The following UBA2 variants were observed in gnomAD, a reference collection of about 807,000 sequenced individuals.
UBA2 encodes ubiquitin like modifier activating enzyme 2.
In UBA2, 11 loss-of-function variants were observed where a neutral mutation model predicts 77.2. The observed-to-expected ratio is 0.14, with a 90% CI of 0.09 to 0.24. UBA2 has a LOEUF of 0.24. Ranked by LOEUF, UBA2 falls within the 10% of genes least tolerant of loss-of-function variation. The probability of loss-of-function intolerance (pLI) is 1.00; values close to 1 mark genes in which losing one functional copy is unlikely to be tolerated. For synonymous variants in UBA2, 278 were observed against 276.7 expected (o/e 1.00, Z -0.05); for missense variants, 487 against 781.7 (o/e 0.62, Z 4.50).
intron 7 of UBA2, among the ~76,000 whole-genome samples, chr19:34,444,648 A>C (rs1203693610): frequency 2.0e-5 from 3 of 152,168 alleles, no homozygotes; most frequent in Admixed American, 1.3e-4. Flanking sequence ...CTCTACAAAA[A>C]ATATAAAAAT....
In UBA2 at chr19:34,464,106, A is replaced by T. The variant is rs1599934342; in HGVS notation, c.1579A>T (p.Thr527Ser). Residue 527 changes from threonine to serine, a missense_variant, in exon 15 of 17, where the codon ACT becomes TCT. This residue lies in a region of UBA2 where 300 missense variants were observed against 454.3 expected (regional missense o/e 0.66). Coordinates refer to ENST00000246548, the MANE Select transcript of UBA2 (RefSeq NM_005499.3). ...LQADDFLQDY[T>S]LLINILHSED... is the part of the protein sequence containing the mutation. The stretch of plus-strand genomic sequence containing the variant: ...AGCAGATGACTTCCTCCAGGACTAT[A>T]CTTTATTGATCAACATCCTTCATAG... The T allele has an allele frequency of 6.2e-7, 1 of 1,612,540 alleles. No individual in the cohort carries two copies. Among genetic ancestry groups the T allele is most frequent in the Non-Finnish European group, 8.5e-7 (1 of 1,178,624 alleles).
At chr19:34,433,327 T>G (rs1348320556) in intron 3 of UBA2, 21 bp from the exon 4 acceptor site, 4 of 1,585,246 alleles carry the variant, frequency 2.5e-6, no homozygotes, top group Admixed American at 1.7e-5. Context: ...TTTGGTGACC[T>G]TTTTTTATTT....
chr19:34,444,169 T>C (rs2075402958), intron 7 of UBA2, among the ~76,000 whole-genome samples: 1 of 148,562 alleles, frequency 6.7e-6, no homozygotes, highest in Non-Finnish European at 1.5e-5. Context: ...ATGATTCTCC[T>C]GCCTCAGGCT....
In UBA2 at chr19:34,432,529, C is replaced by CT. The variant is rs1220959274; in HGVS notation, c.293+601dup. Among the ~76,000 whole-genome samples, 44 of 151,584 alleles carry CT rather than the reference C, an allele frequency of 2.9e-4. 1 individual carries two copies. The highest frequency in any genetic ancestry group is 2.7e-3 in the Admixed American group (40 of 15,060). On this transcript the variant is annotated intron_variant, in intron 3 of 16. Transcript: ENST00000246548. ...GGTACTGGAATTGAGGTACTTAACA[C>CT]TTTCTCAGGGCATTTGTATCTCCGG... is the stretch of plus-strand genomic sequence containing the variant.
intron 6 of UBA2, among the ~76,000 whole-genome samples, chr19:34,440,943 A>T (rs2075362486): frequency 6.6e-6 from 1 of 151,688 alleles, no homozygotes; most frequent in South Asian, 2.1e-4. Context: ...AAAAAAAAAA[A>T]ATTACCATAT....
At chr19:34,466,740 A>T (rs1388684253) in intron 15 of UBA2, 138 bp from the exon 16 acceptor site, 11 of 625,298 alleles carry the variant, frequency 1.8e-5, no homozygotes, top group South Asian at 1.5e-4. Flanking sequence ...ATTTTTTTTT[A>T]AATAAAAATT....
chr19:34,457,179 AATATATATATATATATATAT>A (rs766043321), intron 12 of UBA2, among the ~76,000 whole-genome samples: 3 of 53,222 alleles, frequency 5.6e-5, no homozygotes, highest in African/African-American at 2.3e-4. Flanking sequence ...AAAAAAAAAA[AATATATATATATATATATAT>A]ATATATATAT....
chr19:34,458,822 A>C lies in UBA2; in HGVS notation c.1299A>C (p.Ala433=). The part of the protein sequence containing the change: ...NPRKKLLVPC[A]LDPPNPNCYV... Reference sequence around the variant, plus strand: ...GAAAGAAGCTTCTTGTGCCTTGTGCACTGGATCCTCCCAACCCCAATTGTT... The same window carrying C: ...GAAAGAAGCTTCTTGTGCCTTGTGCCCTGGATCCTCCCAACCCCAATTGTT... Residue 433 remains alanine (A), a synonymous_variant, in exon 13 of 17, where the codon GCA becomes GCC. Transcript: ENST00000246548. 4.3e-6 allele frequency: 7 copies of C among 1,614,098 alleles called. No individual in the cohort carries two copies. Among genetic ancestry groups the C allele is most frequent in the Non-Finnish European group, 5.9e-6 (7 of 1,180,008 alleles).
Position 34,452,293 on chromosome 19 carries a change from TGCTG to T in UBA2, c.1038+147_1038+150del, listed in dbSNP as rs923857791. On this transcript the variant is annotated intron_variant, in intron 10 of 16. Transcript: ENST00000246548. ...TGGCTTGGATATTTTCAGCTCTAAT[TGCTG>T]TATGGAGCTGAATTTTCTGTACATG... is the stretch of plus-strand genomic sequence containing the variant. The T allele has an allele frequency of 2.3e-5, 16 of 700,950 alleles. No individual in the cohort carries two copies. In the African/African-American group the frequency reaches 2.7e-4, roughly 12 times the overall value. The allele number at this position is 700,950 out of a possible 1,614,324, so 43.4% of individuals were successfully genotyped here.
intron 1 of UBA2, chr19:34,430,295 C>T: frequency 3.3e-6 from 1 of 298,716 alleles, no homozygotes; most frequent in Non-Finnish European, 6.2e-6. Flanking sequence ...TTATGGCATC[C>T]AGGGAGTTTC....
At chr19:34,452,818 G>T (rs1334023116) in intron 10 of UBA2, among the ~76,000 whole-genome samples, 1 of 152,166 alleles carries the variant, frequency 6.6e-6, no homozygotes, top group Non-Finnish European at 1.5e-5. Context: ...AAAAATTTGT[G>T]TGTACATATT....
intron 4 of UBA2, among the ~76,000 whole-genome samples, chr19:34,434,035 T>C (rs190014038): frequency 6.6e-6 from 1 of 151,414 alleles, no homozygotes; most frequent in Non-Finnish European, 1.5e-5. Flanking sequence ...TACTTCCACA[T>C]GTAAAAGTAT....
At chr19:34,451,274 C>T (rs886520297) in intron 9 of UBA2, among the ~76,000 whole-genome samples, 1 of 152,134 alleles carries the variant, frequency 6.6e-6, no homozygotes, top group Admixed American at 6.5e-5. Context: ...TTAATTTATG[C>T]ACAGCAGTAT....
Position 34,431,927 on chromosome 19 carries a change from A to G in UBA2, c.289A>G (p.Met97Val), listed in dbSNP as rs763657983. Residue 97 changes from methionine to valine, a missense_variant, in exon 3 of 17, where the codon ATG becomes GTG. Coordinates refer to ENST00000246548, the MANE Select transcript of UBA2 (RefSeq NM_005499.3). The part of the protein sequence containing the change: ...ANIVAYHDSI[M>V]NPDYNVEFFR... ...TATCGTTGCCTACCATGACAGCATC[A>G]TGAAGTATGCTATAGTGATTACATT... 1 of 1,607,692 alleles carries G rather than the reference A, an allele frequency of 6.2e-7. No homozygotes were observed. Among genetic ancestry groups the G allele is most frequent in the Non-Finnish European group, 8.5e-7 (1 of 1,178,430 alleles).
At chr19:34,431,452 G>T (rs2075254735) in intron 2 of UBA2, among the ~76,000 whole-genome samples, 1 of 151,606 alleles carries the variant, frequency 6.6e-6, no homozygotes, top group African/African-American at 2.4e-5. Context: ...ATCAGAGTCT[G>T]TAGTTGAACT....
At chr19:34,466,748 AT>A (rs2075692311) in intron 15 of UBA2, 129 bp from the exon 16 acceptor site, 6 of 692,422 alleles carry the variant, frequency 8.7e-6, no homozygotes, top group Non-Finnish European at 1.1e-5. Flanking sequence ...TTAAATAAAA[AT>A]TAAAAAAAAA....
intron 15 of UBA2, among the ~76,000 whole-genome samples, chr19:34,464,376 G>A (rs1462112665): frequency 6.6e-6 from 1 of 151,906 alleles, no homozygotes; most frequent in East Asian, 1.9e-4. Context: ...TGGCCAACAC[G>A]GTGAAACCCC....
chr19:34,468,794 G>GT (rs2075712506), intron 16 of UBA2, among the ~76,000 whole-genome samples: 1 of 152,222 alleles, frequency 6.6e-6, no homozygotes, highest in Non-Finnish European at 1.5e-5. Context: ...AATCAAGGAT[G>GT]TGTAATGAGT....
intron 16 of UBA2, among the ~76,000 whole-genome samples, chr19:34,467,620 C>CA (rs1171211256): frequency 2.0e-5 from 3 of 152,070 alleles, no homozygotes; most frequent in Non-Finnish European, 4.4e-5. Context: ...ACTAAAAATA[C>CA]AAAAAATTAG....
Sources: gnomAD v4.1 joint callset for allele counts (sites outside exome capture counted in the v4.1 genomes callset) on GRCh38, gnomAD v4.1.1 for gene constraint, gnomAD v4.1.1 regional missense constraint, MANE v1.5 for transcripts, NCBI Gene and HGNC (gene_info 2026-07-23, HGNC 2026-07-21) for gene names.